MAGI2: variants seen among roughly 807,000 people sequenced by gnomAD.
MAGI2 encodes membrane-associated guanylate kinase, WW and PDZ domain-containing protein 2.
MAGI2 carries 35 observed loss-of-function variants against 133.3 expected under a neutral mutation model. The ratio of observed to expected loss-of-function variants is 0.26; its 90% CI spans 0.20 to 0.35. The LOEUF is 0.35. MAGI2 is among the 10% of genes least tolerant of loss of function. The probability of loss-of-function intolerance (pLI) is 1.00; values close to 1 mark genes in which losing one functional copy is unlikely to be tolerated. For missense variants in MAGI2, 1,636 were observed against 1,863.4 expected (o/e 0.88, Z 2.25); for synonymous variants, 729 against 710.6 (o/e 1.03, Z -0.41).
chr7:78,592,776 A>T (rs565880606), intron 3 of MAGI2, among the ~76,000 whole-genome samples: 177 of 151,084 alleles, frequency 1.2e-3, no homozygotes, highest in Non-Finnish European at 2.3e-3. Context: ...TAGAGCACAG[A>T]CTGTACACAT....
At chr7:78,898,114 C>A (rs181071368) in intron 2 of MAGI2, among the ~76,000 whole-genome samples, 83 of 152,260 alleles carry the variant, frequency 5.5e-4, no homozygotes, top group Admixed American at 1.0e-3. Flanking sequence ...TACAAAAATG[C>A]AAATCAAAAC....
At chr7:78,060,234 A>C (rs1467433741) in intron 21 of MAGI2, among the ~76,000 whole-genome samples, 1 of 127,604 alleles carries the variant, frequency 7.8e-6, no homozygotes, top group Non-Finnish European at 1.6e-5. Context: ...TTATTTAAAA[A>C]ACAAAAGGGA....
intron 1 of MAGI2, among the ~76,000 whole-genome samples, chr7:79,057,922 C>G (rs977684680): frequency 1.3e-5 from 2 of 150,426 alleles, no homozygotes; most frequent in Non-Finnish European, 1.5e-5. Context: ...CTGTAAGTAA[C>G]TATACAAATT....
intron 1 of MAGI2, among the ~76,000 whole-genome samples, chr7:79,245,881 G>T (rs1219158732): frequency 1.3e-5 from 2 of 152,120 alleles, no homozygotes; most frequent in Non-Finnish European, 2.9e-5. Flanking sequence ...GGTGGCCAGA[G>T]GAGTGCTGGA....
intron 20 of MAGI2, among the ~76,000 whole-genome samples, chr7:78,124,740 A>G (rs1820801107): frequency 6.6e-6 from 1 of 152,164 alleles, no homozygotes; most frequent in Non-Finnish European, 1.5e-5. Flanking sequence ...TTATATTGTT[A>G]ACAAGCTTTG....
chr7:78,101,640 T>C (rs1384414498), intron 20 of MAGI2, among the ~76,000 whole-genome samples: 1 of 152,196 alleles, frequency 6.6e-6, no homozygotes, highest in Admixed American at 6.5e-5. Context: ...ACATTGGTTT[T>C]GGCAATGATA....
At chr7:78,648,957 AGTCTCAT>A in intron 2 of MAGI2, among the ~76,000 whole-genome samples, 1 of 152,192 alleles carries the variant, frequency 6.6e-6, no homozygotes, top group South Asian at 2.1e-4. Context: ...CTGGGTGACC[AGTCTCAT>A]GGCTTCAAGA....
At chr7:79,021,449 C>T (rs1238782454) in intron 1 of MAGI2, among the ~76,000 whole-genome samples, 1 of 152,212 alleles carries the variant, frequency 6.6e-6, no homozygotes, top group Non-Finnish European at 1.5e-5. Flanking sequence ...GCCATGTGAG[C>T]CCACTTCTTG....
At chr7:78,290,325 T>TAA (rs1485280557) in intron 9 of MAGI2, among the ~76,000 whole-genome samples, 1 of 150,616 alleles carries the variant, frequency 6.6e-6, no homozygotes, top group Non-Finnish European at 1.5e-5. Context: ...AAACAGACTT[T>TAA]AACAAAGGTC....
intron 2 of MAGI2, among the ~76,000 whole-genome samples, chr7:78,984,243 T>G (rs1475784250): frequency 6.6e-6 from 1 of 151,990 alleles, no homozygotes; most frequent in Non-Finnish European, 1.5e-5. Flanking sequence ...CTTCCTAATC[T>G]AACTGGTCTC....
At chr7:78,895,497 T>C (rs536031412) in intron 2 of MAGI2, among the ~76,000 whole-genome samples, 1 of 147,682 alleles carries the variant, frequency 6.8e-6, no homozygotes, top group Non-Finnish European at 1.5e-5. Flanking sequence ...CCAGAGTTGC[T>C]TTACAAAATG....
At chr7:78,541,776 A>G (rs552053926) in intron 3 of MAGI2, among the ~76,000 whole-genome samples, 9 of 152,326 alleles carry the variant, frequency 5.9e-5, no homozygotes, top group South Asian at 2.1e-4. Context: ...TGAGAGACCA[A>G]TTAAATGAGG....
At chr7:78,499,225 T>C (rs1175843300) in intron 5 of MAGI2, among the ~76,000 whole-genome samples, 1 of 152,212 alleles carries the variant, frequency 6.6e-6, no homozygotes, top group Non-Finnish European at 1.5e-5. Context: ...GGACTTCGTC[T>C]TTGTAATGAC....
At position 79,453,363 on chromosome 7, in the gene MAGI2, TA is replaced by T. The variant is rs757195738; in HGVS notation, c.-44del. Reference sequence around the variant, plus strand: ...CCTCAGTTCCTGGGCTCCTTGGGGTTAGGGGGGCTGGTGGTGAGAGAATGAG... The same window carrying T: ...CCTCAGTTCCTGGGCTCCTTGGGGTTGGGGGGCTGGTGGTGAGAGAATGAG... On this transcript the variant is annotated 5_prime_UTR_variant, in exon 1 of 22. Transcript: ENST00000354212. 8 of 1,554,424 alleles carry T rather than the reference TA, an allele frequency of 5.1e-6. No individual in the cohort carries two copies. In the East Asian group the frequency reaches 6.8e-5, roughly 13 times the overall value.
At chr7:78,085,587 A>C (rs201616026) in intron 20 of MAGI2, among the ~76,000 whole-genome samples, 83 of 139,620 alleles carry the variant, frequency 5.9e-4, no homozygotes, top group African/African-American at 1.9e-3. Context: ...CACACAAACA[A>C]AACAAAATCA....
At chr7:78,147,564 A>T (rs1395321624) in intron 16 of MAGI2, among the ~76,000 whole-genome samples, 1 of 152,182 alleles carries the variant, frequency 6.6e-6, no homozygotes, top group Non-Finnish European at 1.5e-5. Flanking sequence ...AATGGGAAAT[A>T]AAAAAGGATT....
chr7:78,173,268 G>A (rs1336315514), intron 14 of MAGI2, among the ~76,000 whole-genome samples: 1 of 152,214 alleles, frequency 6.6e-6, no homozygotes, highest in Admixed American at 6.5e-5. Flanking sequence ...ACGCATCTGA[G>A]CTTCATTTCG....
At chr7:78,659,520 G>C (rs942660202) in intron 2 of MAGI2, among the ~76,000 whole-genome samples, 2 of 146,936 alleles carry the variant, frequency 1.4e-5, no homozygotes, top group Admixed American at 6.8e-5. Context: ...TATGCCAAAT[G>C]AAAAAAACTG....
intron 5 of MAGI2, among the ~76,000 whole-genome samples, chr7:78,491,722 T>G (rs963766219): frequency 6.6e-6 from 1 of 152,168 alleles, no homozygotes; most frequent in Middle Eastern, 3.4e-3. Context: ...AAGCTAGCTT[T>G]TCTTCTGAAC....
Sources: gnomAD v4.1 joint callset for allele counts (sites outside exome capture counted in the v4.1 genomes callset) on GRCh38, gnomAD v4.1.1 for gene constraint, MANE v1.5 for transcripts, NCBI Gene and HGNC (gene_info 2026-07-23, HGNC 2026-07-21) for gene names.